ASIC2: variants seen among roughly 807,000 people sequenced by gnomAD.
ASIC2 encodes the protein acid sensing ion channel subunit 2.
A neutral mutation model predicts 57.3 loss-of-function variants in ASIC2; 25 were observed. That is an observed-to-expected ratio of 0.44 (90% CI 0.32 to 0.61). ASIC2 has a LOEUF of 0.61. Ranked by LOEUF, ASIC2 falls within the 20% of genes least tolerant of loss-of-function variation. The pLI, the probability that ASIC2 is intolerant of heterozygous loss-of-function variation, is 0.06. For synonymous variants in ASIC2, 319 were observed against 307.5 expected, an observed-to-expected ratio of 1.04 and a Z score of -0.39; for missense variants, 641 against 738.1, an observed-to-expected ratio of 0.87 and a Z score of 1.52.
chr17:34,001,666 C>T (rs956758083), intron 1 of ASIC2: 6 of 152,272 alleles, frequency 3.9e-5, no homozygotes, highest in East Asian at 1.9e-4. Flanking sequence ...GATGGATGAT[C>T]GCTTCACTCT....
intron 1 of ASIC2, among the ~76,000 whole-genome samples, chr17:33,595,331 G>A (rs2098490952): frequency 6.6e-6 from 1 of 152,226 alleles, no homozygotes; most frequent in South Asian, 2.1e-4. Flanking sequence ...AGGGTTATTA[G>A]GTCTGGAGTA....
rs189159086 is a variant in ASIC2, at chr17:33,531,704, G to T, written c.556-419637C>A. 3.9e-5 allele frequency among the ~76,000 whole-genome samples: 6 copies of T among 152,302 alleles called. No individual in the cohort carries two copies. The South Asian group carries it at 6.2e-4, about 16-fold the overall frequency. ...CTAGGGCTTATCCCACTGCCAAGGA[G>T]AGAGGCCCTTCTTTCCTCCATCCTC... On this transcript the variant is annotated intron_variant, in intron 1 of 9. Coordinates refer to the ASIC2 transcript ENST00000359872.
At chr17:34,011,146 CAT>C (rs1236347081) in intron 1 of ASIC2, among the ~76,000 whole-genome samples, 23 of 152,256 alleles carry the variant, frequency 1.5e-4, no homozygotes, top group African/African-American at 3.6e-4. Flanking sequence ...CACACACACA[CAT>C]AGACACATAG....
chr17:33,429,518 G>A (rs528186370), intron 1 of ASIC2, among the ~76,000 whole-genome samples: 1 of 152,170 alleles, frequency 6.6e-6, no homozygotes, highest in Non-Finnish European at 1.5e-5. Context: ...AGCCTCCCGA[G>A]TAGCTGGGAC....
intron 1 of ASIC2, among the ~76,000 whole-genome samples, chr17:33,438,072 A>T (rs939763179): frequency 6.6e-6 from 1 of 152,168 alleles, no homozygotes; most frequent in Non-Finnish European, 1.5e-5. Flanking sequence ...GGTCATACAG[A>T]GTCTCAGAAA....
intron 1 of ASIC2, among the ~76,000 whole-genome samples, chr17:33,911,754 G>A (rs1314224375): frequency 1.3e-5 from 2 of 152,184 alleles, no homozygotes; most frequent in Non-Finnish European, 2.9e-5. Flanking sequence ...AGAGCTTAAT[G>A]TATTCTCAAG....
intron 1 of ASIC2, among the ~76,000 whole-genome samples, chr17:33,966,189 C>T (rs143871769): frequency 2.5e-3 from 388 of 152,276 alleles, no homozygotes; most frequent in Non-Finnish European, 4.5e-3. Flanking sequence ...AGCAGGTATA[C>T]AGGAGAGGAG....
intron 1 of ASIC2, among the ~76,000 whole-genome samples, chr17:33,442,709 GTTTTCTGAGAATAAAGACAGTTTTT>G: frequency 6.6e-6 from 1 of 151,766 alleles, no homozygotes; most frequent in East Asian, 1.9e-4. Context: ...AAAGGATCAT[GTTTTCTGAGAATAAAGACAGTTTTT>G]TTTTCTCTGT....
At chr17:34,145,941 G>C (rs1313721617) in intron 1 of ASIC2, among the ~76,000 whole-genome samples, 1 of 152,230 alleles carries the variant, frequency 6.6e-6, no homozygotes, top group Non-Finnish European at 1.5e-5. Flanking sequence ...GTGAAGGCTG[G>C]TAGAAGGGTA....
rs1366390213 is a variant in ASIC2, at chr17:34,039,880, G to T, written c.555+116098C>A. The T allele has an allele frequency of 5.7e-6, 9 of 1,577,324 alleles. No individual in the cohort carries two copies. The Admixed American group carries it at 1.5e-4, about 26-fold the overall frequency. On this transcript the variant is annotated intron_variant, in intron 1 of 9. Coordinates refer to the ASIC2 transcript ENST00000359872. Reference sequence around the variant, plus strand: ...ATGCAATTCTTCCATCATTTCTACTGCCGCCGCCGCCGCTGCCGCTCCACG... The same window carrying T: ...ATGCAATTCTTCCATCATTTCTACTTCCGCCGCCGCCGCTGCCGCTCCACG...
chr17:33,715,181 T>A (rs546849657), intron 1 of ASIC2, among the ~76,000 whole-genome samples: 54 of 152,132 alleles, frequency 3.5e-4, no homozygotes, highest in African/African-American at 1.3e-3. Flanking sequence ...AAATTTTTTT[T>A]AATAGAGACA....
intron 1 of ASIC2, among the ~76,000 whole-genome samples, chr17:34,100,612 G>C (rs1351160391): frequency 6.6e-6 from 1 of 152,008 alleles, no homozygotes; most frequent in Non-Finnish European, 1.5e-5. Context: ...AGGGAACACA[G>C]GACTCACAGA....
chr17:33,280,122 C>T (rs1904879595), intron 1 of ASIC2, among the ~76,000 whole-genome samples: 1 of 152,118 alleles, frequency 6.6e-6, no homozygotes. Flanking sequence ...TTCGTCTTTC[C>T]CCAGCATCAT....
chr17:33,026,540 G>A (rs896013848), intron 4 of ASIC2, among the ~76,000 whole-genome samples: 1 of 152,236 alleles, frequency 6.6e-6, no homozygotes, highest in Non-Finnish European at 1.5e-5. Flanking sequence ...CCACACTGCT[G>A]TATGGGAACA....
Position 33,702,095 on chromosome 17 carries a change from C to T in ASIC2, c.555+453883G>A, listed in dbSNP as rs116342595. ...TTCCTTTCATTCCTCTTCAATGTGA[C>T]GTCACAGACAATGTCCTGGTTTAGG... On this transcript the variant is annotated intron_variant, in intron 1 of 9. Coordinates refer to the ASIC2 transcript ENST00000359872. Among the ~76,000 whole-genome samples the T allele has an allele frequency of 5.0e-3, 769 of 152,278 alleles. 6 individuals carry two copies. The highest frequency in any genetic ancestry group is 0.018 in the African/African-American group (729 of 41,544).
intron 1 of ASIC2, among the ~76,000 whole-genome samples, chr17:33,150,168 C>T (rs1904726101): frequency 6.6e-6 from 1 of 152,170 alleles, no homozygotes; most frequent in African/African-American, 2.4e-5. Flanking sequence ...CCATGCACAC[C>T]TTATTAAAGT....
At chr17:34,057,224 C>T (rs747871960) in intron 1 of ASIC2, among the ~76,000 whole-genome samples, 1 of 152,182 alleles carries the variant, frequency 6.6e-6, no homozygotes, top group Non-Finnish European at 1.5e-5. Flanking sequence ...TACCACATTC[C>T]TCTGTTAAAT....
Position 33,246,529 on chromosome 17 carries a change from C to T in ASIC2, c.708+44879G>A, listed in dbSNP as rs981236261. Among the ~76,000 whole-genome samples the T allele has an allele frequency of 3.9e-5, 6 of 152,258 alleles. No individual in the cohort carries two copies. In the South Asian group the frequency reaches 6.2e-4, roughly 16 times the overall value. On this transcript the variant is annotated intron_variant, in intron 1 of 9. Coordinates refer to ENST00000225823, the MANE Select transcript of ASIC2 (RefSeq NM_183377.2). Reference sequence around the variant, plus strand: ...GCCAGATCAGTAGAAAGAATGGGGTCGGGGAACTTCTGGGCAAATAGGCGC... The same window carrying T: ...GCCAGATCAGTAGAAAGAATGGGGTTGGGGAACTTCTGGGCAAATAGGCGC...
chr17:33,871,150 C>T (rs749346560), intron 1 of ASIC2, among the ~76,000 whole-genome samples: 46 of 152,194 alleles, frequency 3.0e-4, no homozygotes, highest in Non-Finnish European at 6.0e-4. Context: ...TAGGCTCTCC[C>T]GGATAGATGC....
Sources: gnomAD v4.1 joint callset for allele counts (sites outside exome capture counted in the v4.1 genomes callset) on GRCh38, gnomAD v4.1.1 for gene constraint, MANE v1.5 for transcripts, NCBI Gene and HGNC (gene_info 2026-07-23, HGNC 2026-07-21) for gene names.